The following MYRIP variants were observed in gnomAD, a reference collection of about 807,000 sequenced individuals.
The protein encoded by MYRIP is myosin VIIA and Rab interacting protein.
Under a neutral mutation model 98.0 loss-of-function variants are expected in MYRIP, and 49 were observed. The observed-to-expected ratio is 0.50, with a 90% CI of 0.40 to 0.63. The LOEUF (loss-of-function observed/expected upper bound fraction) is 0.63, where lower values mean the gene tolerates loss of function less well. Ranked by LOEUF, MYRIP falls within the 30% of genes least tolerant of loss-of-function variation. The pLI is 0.00. For synonymous variants in MYRIP, 404 were observed against 409.5 expected (o/e 0.99, Z 0.16); for missense variants, 1,004 against 1,058.2 (o/e 0.95, Z 0.71).
intron 1 of MYRIP, among the ~76,000 whole-genome samples, chr3:39,859,455 A>G (rs1275984853): frequency 6.6e-6 from 1 of 152,218 alleles, no homozygotes; most frequent in Non-Finnish European, 1.5e-5. Context: ...CATTTAAAGA[A>G]CTGTTGCCAG....
intron 4 of MYRIP, among the ~76,000 whole-genome samples, chr3:40,153,104 G>A (rs1258850636): frequency 6.6e-6 from 1 of 150,594 alleles, no homozygotes; most frequent in Non-Finnish European, 1.5e-5. Context: ...GGGTGACAGA[G>A]CAAGACCCTG....
chr3:39,828,403 T>G (rs543631839), intron 1 of MYRIP, among the ~76,000 whole-genome samples: 2 of 152,020 alleles, frequency 1.3e-5, no homozygotes, highest in African/African-American at 4.8e-5. Flanking sequence ...ATTAGTCTGT[T>G]GTATTGTCTT....
At chr3:40,044,026 A>G in intron 2 of MYRIP, 24 bp from the exon 3 acceptor site, 3 of 1,609,932 alleles carry the variant, frequency 1.9e-6, no homozygotes, top group Non-Finnish European at 2.5e-6. Context: ...TCCTCCTCCC[A>G]TTTCCCCTAC....
At chr3:39,890,096 T>TC (rs1575349744) in intron 1 of MYRIP, among the ~76,000 whole-genome samples, 1 of 152,260 alleles carries the variant, frequency 6.6e-6, no homozygotes, top group East Asian at 1.9e-4. Flanking sequence ...GTTTCATCTC[T>TC]CCATTTCCTT....
At chr3:39,834,831 T>G (rs2125588048) in intron 1 of MYRIP, among the ~76,000 whole-genome samples, 1 of 152,200 alleles carries the variant, frequency 6.6e-6, no homozygotes, top group African/African-American at 2.4e-5. Context: ...ACAATCACAT[T>G]TCTACCCAAA....
Position 40,190,409 on chromosome 3 carries a change from A to G in MYRIP, c.1611A>G (p.Pro537=), listed in dbSNP as rs1243207141. Residue 537 remains proline (P), a synonymous_variant, in exon 10 of 17, where the codon CCA becomes CCG. Transcript: ENST00000302541. ...WRRARLGSEE[P]SKEPSSPSAQ... is the part of the protein sequence containing the mutation. ...GAGCCCGACTGGGCTCAGAAGAGCC[A>G]AGCAAAGAACCATCTTCCCCCAGCG... 1.2e-5 allele frequency: 19 copies of G among 1,612,170 alleles called. No homozygotes were observed. The highest frequency in any genetic ancestry group is 1.6e-5 in the Non-Finnish European group (19 of 1,179,142).
chr3:40,107,001 A>C (rs1372285387), intron 3 of MYRIP, among the ~76,000 whole-genome samples: 2 of 152,208 alleles, frequency 1.3e-5, no homozygotes, highest in Non-Finnish European at 2.9e-5. Context: ...AATAGAAGCT[A>C]AACCTATTGA....
At chr3:39,821,267 A>G (rs1412332508) in intron 1 of MYRIP, among the ~76,000 whole-genome samples, 1 of 152,096 alleles carries the variant, frequency 6.6e-6, no homozygotes, top group Non-Finnish European at 1.5e-5. Context: ...ATAGTGGGAT[A>G]AGGAAGCCTG....
At chr3:40,105,261 T>G (rs375982045) in intron 3 of MYRIP, among the ~76,000 whole-genome samples, 1 of 152,212 alleles carries the variant, frequency 6.6e-6, no homozygotes, top group East Asian at 1.9e-4. Flanking sequence ...ATCTCCTAAA[T>G]TGTGGTTAAT....
chr3:39,848,323 T>C (rs992764705), intron 1 of MYRIP, among the ~76,000 whole-genome samples: 1 of 152,252 alleles, frequency 6.6e-6, no homozygotes, highest in Non-Finnish European at 1.5e-5. Flanking sequence ...AAGGTACTTT[T>C]TATTTTTTTA....
intron 1 of MYRIP, among the ~76,000 whole-genome samples, chr3:39,846,643 C>T (rs1422087218): frequency 6.6e-6 from 1 of 152,232 alleles, no homozygotes; most frequent in Non-Finnish European, 1.5e-5. Flanking sequence ...CTATTATCTA[C>T]TTTCCTCCCT....
intron 3 of MYRIP, among the ~76,000 whole-genome samples, chr3:40,115,532 G>A (rs1949253522): frequency 6.6e-6 from 1 of 152,138 alleles, no homozygotes; most frequent in African/African-American, 2.4e-5. Flanking sequence ...CCATGATTCA[G>A]TTATCTCCAC....
At chr3:39,835,245 G>T (rs138885283) in intron 1 of MYRIP, among the ~76,000 whole-genome samples, 1 of 152,180 alleles carries the variant, frequency 6.6e-6, no homozygotes, top group East Asian at 1.9e-4. Flanking sequence ...TCTTACACAA[G>T]AATTCTGCCA....
intron 2 of MYRIP, among the ~76,000 whole-genome samples, chr3:39,940,504 T>C (rs1944758902): frequency 6.6e-6 from 1 of 152,164 alleles, no homozygotes; most frequent in African/African-American, 2.4e-5. Flanking sequence ...CTTTGGCTAA[T>C]AATGAGAGTA....
chr3:40,125,194 A>T (rs1949499163), intron 3 of MYRIP, among the ~76,000 whole-genome samples: 1 of 152,226 alleles, frequency 6.6e-6, no homozygotes, highest in Admixed American at 6.5e-5. Flanking sequence ...TAGCTCTGTA[A>T]TAGAGTTCTC....
At chr3:40,072,388 T>G (rs572367001) in intron 3 of MYRIP, among the ~76,000 whole-genome samples, 1 of 152,138 alleles carries the variant, frequency 6.6e-6, no homozygotes, top group East Asian at 1.9e-4. Flanking sequence ...TTTTGTATTT[T>G]AGTAGAGACG....
At chr3:40,008,071 C>T (rs1252475818) in intron 2 of MYRIP, among the ~76,000 whole-genome samples, 1 of 152,238 alleles carries the variant, frequency 6.6e-6, no homozygotes, top group Non-Finnish European at 1.5e-5. Flanking sequence ...AACTGGCTGT[C>T]TTTTGCTGAG....
intron 1 of MYRIP, among the ~76,000 whole-genome samples, chr3:39,888,616 T>C (rs1369853035): frequency 1.3e-5 from 2 of 152,182 alleles, no homozygotes; most frequent in African/African-American, 4.8e-5. Flanking sequence ...GACATACGCA[T>C]GAGCAAGGAC....
chr3:40,073,372 T>C (rs761769935), intron 3 of MYRIP, among the ~76,000 whole-genome samples: 7 of 152,196 alleles, frequency 4.6e-5, no homozygotes, highest in Non-Finnish European at 1.0e-4. Flanking sequence ...TGCGGGTTTT[T>C]ATTATGTCGG....
Sources: allele counts gnomAD v4.1 joint callset (sites outside exome capture counted in the v4.1 genomes callset), GRCh38; gene constraint gnomAD v4.1.1; transcripts MANE v1.5; gene names NCBI Gene and HGNC (gene_info 2026-07-23, HGNC 2026-07-21).